The following LRCH3 variants were observed in gnomAD, a reference collection of about 807,000 sequenced individuals.
LRCH3 encodes the protein leucine rich repeats and calponin homology domain containing 3, also known as DISP complex protein LRCH3.
LRCH3 carries 68 observed loss-of-function variants against 104.5 expected under a neutral mutation model. That is an observed-to-expected ratio of 0.65 (90% CI 0.54 to 0.80). The LOEUF is 0.80. Among genes scored for constraint, LRCH3 ranks in the 30% least tolerant of loss-of-function variants. LRCH3 has a pLI of 0.00. For synonymous variants in LRCH3, 344 were observed against 361.3 expected, an observed-to-expected ratio of 0.95 and a Z score of 0.54; for missense variants, 951 against 953.9, an observed-to-expected ratio of 1.00 and a Z score of 0.04.
In LRCH3 at chr3:197,880,794, A is replaced by C. The variant is rs905734252; in HGVS notation, c.2209-2747A>C. 60 of 1,526,380 alleles carry C rather than the reference A, an allele frequency of 3.9e-5. No homozygotes were observed. In the African/African-American group the frequency reaches 8.0e-4, roughly 20 times the overall value. The allele number at this position is 1,526,380 out of a possible 1,614,324, so 94.6% of individuals were successfully genotyped here. A position where few individuals can be genotyped will look rare whatever the true frequency, so the allele number is the denominator to read the frequency against. On this transcript the variant is annotated intron_variant, in intron 20 of 20. Transcript: ENST00000425562. ...TTGTTTCTCATCCAGAATTATTTACATAAGTGCTTTTTCTCCCTGCTGGCC... is the reference window on the plus strand; with the variant it reads ...TTGTTTCTCATCCAGAATTATTTACCTAAGTGCTTTTTCTCCCTGCTGGCC...
chr3:197,854,342 G>A lies in LRCH3; in HGVS notation c.1591-50G>A, dbSNP rs148847570. 2,088 of 1,479,004 alleles carry A rather than the reference G, an allele frequency of 1.4e-3. 50 individuals carry two copies. The Admixed American group carries it at 0.031, about 22-fold the overall frequency. The allele number at this position is 1,479,004 out of a possible 1,614,324, so 91.6% of individuals were successfully genotyped here. ...TGTGTATTCGTGAAATACGTCACAC[G>A]TGTGCGTAGTTTGTTTCTGACATGG... On this transcript the variant is annotated intron_variant, in intron 13 of 20. Transcript: ENST00000425562. The surrounding 1 kb of genome is among the most constrained non-coding windows in gnomAD (Gnocchi z 4.5).
chr3:197,807,442 C>T (rs928083232), intron 1 of LRCH3, among the ~76,000 whole-genome samples: 4 of 151,850 alleles, frequency 2.6e-5, no homozygotes, highest in African/African-American at 9.7e-5. Flanking sequence ...AGGATAGTCT[C>T]GATCTCCTGA....
intron 1 of LRCH3, among the ~76,000 whole-genome samples, chr3:197,795,673 T>TA (rs56051024): frequency 0.74 from 99,852 of 134,360 alleles, 38,964 homozygotes; most frequent in East Asian, 0.93. Context: ...TTAAGGTGAG[T>TA]AAAAAAGTTG....
intron 1 of LRCH3, among the ~76,000 whole-genome samples, chr3:197,793,727 A>T (rs1332695573): frequency 1.3e-5 from 2 of 152,222 alleles, no homozygotes; most frequent in Non-Finnish European, 2.9e-5. Flanking sequence ...ATAGTTTTGT[A>T]TAGAAACCAC....
intron 10 of LRCH3, among the ~76,000 whole-genome samples, chr3:197,843,235 A>G (rs1476619838): frequency 6.6e-6 from 1 of 152,166 alleles, no homozygotes; most frequent in Non-Finnish European, 1.5e-5. Flanking sequence ...AAAACCTGGA[A>G]GTTTTTTTGT....
In LRCH3 at chr3:197,883,630, A is replaced by C; in HGVS notation, c.2298A>C (p.Pro766=). The change falls in exon 21 of 21, where the codon CCA becomes CCC. Residue 766 remains proline (P), a synonymous_variant. Coordinates refer to ENST00000425562, the MANE Select transcript of LRCH3 (RefSeq NM_001365715.1). The surrounding 1 kb of genome is among the most constrained non-coding windows in gnomAD (Gnocchi z 4.2). ...TCCAGGCTCTCCTGGAACTTGCCCC[A>C]CCCAAGCAACAGCAGCACCAGTTAT... ...VTVQALLELA[P]PKQQQHQLSA... is the part of the protein sequence containing the mutation. The C allele has an allele frequency of 4.6e-6, 7 of 1,536,070 alleles. No homozygotes were observed. Among genetic ancestry groups the C allele is most frequent in the Non-Finnish European group, 5.2e-6 (6 of 1,146,888 alleles).
At chr3:197,830,233 A>G (rs1735746537) in intron 6 of LRCH3, among the ~76,000 whole-genome samples, 2 of 152,178 alleles carry the variant, frequency 1.3e-5, no homozygotes, top group Admixed American at 6.5e-5. Context: ...TCTGCTTGGC[A>G]GTCCCAACCA....
chr3:197,888,125 T>G lies in LRCH3; in HGVS notation c.*4459T>G, dbSNP rs1257321866. Reference sequence around the variant, plus strand: ...TGATGTGTGACTATGCGAATGAGTTTGATGAATTCGTAAAAACTAAGCGCT... The same window carrying G: ...TGATGTGTGACTATGCGAATGAGTTGGATGAATTCGTAAAAACTAAGCGCT... On this transcript the variant is annotated 3_prime_UTR_variant, in exon 21 of 21. Transcript: ENST00000425562. 1 of 152,240 alleles carries G rather than the reference T, an allele frequency of 6.6e-6. No individual in the cohort carries two copies. The highest frequency in any genetic ancestry group is 1.5e-5 in the Non-Finnish European group (1 of 68,042). 9.4% of individuals were successfully genotyped at this position (152,240 alleles called of 1,614,324 possible).
At chr3:197,806,496 G>C (rs908506666) in intron 1 of LRCH3, among the ~76,000 whole-genome samples, 1 of 151,796 alleles carries the variant, frequency 6.6e-6, no homozygotes, top group African/African-American at 2.4e-5. Context: ...GCTGACAAAA[G>C]AAAAACTTCC....
In LRCH3 at chr3:197,804,164, G is replaced by A. The variant is rs182430036; in HGVS notation, c.263-10744G>A. On this transcript the variant is annotated intron_variant, in intron 1 of 20. Coordinates refer to ENST00000425562, the MANE Select transcript of LRCH3 (RefSeq NM_001365715.1). ...GTTAGTTCTAGGTACTAGGGAGGCT[G>A]AGGTGGGAGAATTGCTCAAACCCCA... Among the ~76,000 whole-genome samples, 366 of 152,194 alleles carry A rather than the reference G, an allele frequency of 2.4e-3. 2 individuals carry two copies. The highest frequency in any genetic ancestry group is 8.1e-3 in the African/African-American group (337 of 41,516).
At chr3:197,852,506 C>T in intron 12 of LRCH3, 55 bp from the exon 13 acceptor site, 1 of 1,457,022 alleles carries the variant, frequency 6.9e-7, no homozygotes, top group Non-Finnish European at 9.5e-7. Context: ...TTGTTATTTG[C>T]AGTGTTCCAG....
At chr3:197,849,123 G>T (rs1185625795) in intron 12 of LRCH3, among the ~76,000 whole-genome samples, 1 of 151,992 alleles carries the variant, frequency 6.6e-6, no homozygotes, top group Non-Finnish European at 1.5e-5. Context: ...AATTAGCTGG[G>T]CGTGGTGGTG....
chr3:197,848,792 A>G (rs565690056), intron 12 of LRCH3, among the ~76,000 whole-genome samples: 1 of 152,224 alleles, frequency 6.6e-6, no homozygotes, highest in Non-Finnish European at 1.5e-5. Context: ...CCTGTATTTC[A>G]TACTTTAACT....
Position 197,885,052 on chromosome 3 carries a change from A to C in LRCH3, c.*1386A>C, listed in dbSNP as rs1233485223. The C allele has an allele frequency of 1.3e-5, 2 of 152,266 alleles. No homozygotes were observed. The highest frequency in any genetic ancestry group is 2.9e-5 in the Non-Finnish European group (2 of 68,054). The allele number at this position is 152,266 out of a possible 1,614,324, so 9.4% of individuals were successfully genotyped here. A position where few individuals can be genotyped will look rare whatever the true frequency, so the allele number is the denominator to read the frequency against. On this transcript the variant is annotated 3_prime_UTR_variant, in exon 21 of 21. Transcript: ENST00000425562. The stretch of plus-strand genomic sequence containing the variant: ...TTATCTGGACATTATAATAAACAAC[A>C]AGCCCTCTATACACAGGTTCCAAAC...
intron 20 of LRCH3, chr3:197,882,505 C>T (rs1020139661): frequency 7.8e-5 from 71 of 913,806 alleles, no homozygotes; most frequent in Non-Finnish European, 9.2e-5. Flanking sequence ...GTAATATCGT[C>T]TCAATGAAAA....
At chr3:197,813,601 G>A (rs1466625556) in intron 1 of LRCH3, among the ~76,000 whole-genome samples, 1 of 125,778 alleles carries the variant, frequency 8.0e-6, no homozygotes. Flanking sequence ...CTCCATCTCT[G>A]CTCACTGCAA....
At chr3:197,850,696 T>A in intron 12 of LRCH3, 4 of 1,453,612 alleles carry the variant, frequency 2.8e-6, no homozygotes, top group African/African-American at 1.4e-5. Context: ...AATTCAGCAC[T>A]CTTTCTGGGC....
At chr3:197,855,754 C>T (rs888225015) in intron 14 of LRCH3, among the ~76,000 whole-genome samples, 8 of 152,172 alleles carry the variant, frequency 5.3e-5, no homozygotes, top group African/African-American at 1.7e-4. Flanking sequence ...CTTGAAATTC[C>T]CTTCGGCCGT....
chr3:197,817,615 T>G (rs1426366159), intron 3 of LRCH3, among the ~76,000 whole-genome samples: 1 of 151,608 alleles, frequency 6.6e-6, no homozygotes, highest in Non-Finnish European at 1.5e-5. Flanking sequence ...ATTAAATGAT[T>G]TCTGTGTCAT....
Sources: allele counts gnomAD v4.1 joint callset (sites outside exome capture counted in the v4.1 genomes callset), GRCh38; gene constraint gnomAD v4.1.1; non-coding constraint Gnocchi (gnomAD v3.1); transcripts MANE v1.5; gene names NCBI Gene and HGNC (gene_info 2026-07-23, HGNC 2026-07-21).